Variants in CRTC3 observed in about 807,000 individuals in gnomAD.
CRTC3 encodes CREB-regulated transcription coactivator 3.
CRTC3 carries 26 observed loss-of-function variants against 74.5 expected under a neutral mutation model. The ratio of observed to expected loss-of-function variants is 0.35; its 90% confidence interval spans 0.26 to 0.48. CRTC3 has a LOEUF of 0.48. CRTC3 is among the 20% of genes least tolerant of loss of function. The probability of loss-of-function intolerance (pLI) is 0.99; values close to 1 mark genes in which losing one functional copy is unlikely to be tolerated. For missense variants in CRTC3, 760 were observed against 787.3 expected, an observed-to-expected ratio of 0.97 and a Z score of 0.41; for synonymous variants, 377 against 325.8, an observed-to-expected ratio of 1.16 and a Z score of -1.69.
chr15:90,547,457 A>T (rs1966846267), intron 2 of CRTC3, among the ~76,000 whole-genome samples: 1 of 152,226 alleles, frequency 6.6e-6, no homozygotes, highest in Non-Finnish European at 1.5e-5. Context: ...TAATATACTA[A>T]AGACCAATTT....
Position 90,618,039 on chromosome 15 carries a change from G to T in CRTC3, c.699+71G>T, listed in dbSNP as rs1461869391. On this transcript the variant is annotated intron_variant, in intron 8 of 14. Transcript: ENST00000268184. ...TACTTAGAGGTCATTGAAAAATCCT[G>T]CAGAGGTGAAAGCAAGAGGAACTGG... 9.8e-6 allele frequency: 10 copies of T among 1,017,108 alleles called. No individual in the cohort carries two copies. The Admixed American group carries it at 1.8e-4, about 18-fold the overall frequency. 63.0% of individuals were successfully genotyped at this position (1,017,108 alleles called of 1,614,324 possible).
intron 3 of CRTC3, among the ~76,000 whole-genome samples, 185 bp from the exon 4 acceptor site, chr15:90,602,139 C>T (rs1192247755): frequency 1.3e-5 from 2 of 151,978 alleles, no homozygotes; most frequent in East Asian, 1.9e-4. Flanking sequence ...AAGAAAACAC[C>T]GGTTAGAAGA....
At position 90,529,959 on chromosome 15, in the gene CRTC3, G is replaced by T. The variant is rs572504405; in HGVS notation, c.-113G>T. On this transcript the variant is annotated 5_prime_UTR_variant, in exon 1 of 15. Transcript: ENST00000268184. ...CGCGGCGGCTCCTCTGCCGGGTCGC[G>T]CCGGACGACTGGCTTCGGGCGGCGG... 568 of 856,264 alleles carry T rather than the reference G, an allele frequency of 6.6e-4. 5 individuals carry two copies. Among genetic ancestry groups the T allele is most frequent in the Middle Eastern group, 5.1e-3 (10 of 1,942 alleles). The allele number at this position is 856,264 out of a possible 1,614,324, so 53.0% of individuals were successfully genotyped here.
At chr15:90,557,125 C>G (rs559853652) in intron 2 of CRTC3, among the ~76,000 whole-genome samples, 1 of 152,096 alleles carries the variant, frequency 6.6e-6, no homozygotes, top group East Asian at 1.9e-4. Flanking sequence ...TATACTCTAG[C>G]TAGGGAAGAA....
At chr15:90,626,447 T>G (rs1260663578) in intron 10 of CRTC3, among the ~76,000 whole-genome samples, 1 of 152,316 alleles carries the variant, frequency 6.6e-6, no homozygotes, top group South Asian at 2.1e-4. Context: ...ATACTTAATA[T>G]CTGTGTGTGA....
At chr15:90,535,266 A>G (rs531545662) in intron 1 of CRTC3, among the ~76,000 whole-genome samples, 3 of 152,292 alleles carry the variant, frequency 2.0e-5, no homozygotes, top group South Asian at 2.1e-4. Flanking sequence ...GAGCTGGCCA[A>G]GAAGGCTTGA....
chr15:90,538,469 G>A (rs532212207), intron 1 of CRTC3, among the ~76,000 whole-genome samples: 8 of 152,118 alleles, frequency 5.3e-5, no homozygotes, highest in South Asian at 2.1e-4. Context: ...GAAGGATTTC[G>A]TATGCCTTTA....
At chr15:90,545,770 G>A (rs961932786) in intron 2 of CRTC3, among the ~76,000 whole-genome samples, 2 of 152,056 alleles carry the variant, frequency 1.3e-5, no homozygotes, top group Non-Finnish European at 2.9e-5. Flanking sequence ...AGTAGAGACG[G>A]GGTTTCACTG....
At chr15:90,558,386 C>T (rs1375813579) in intron 2 of CRTC3, among the ~76,000 whole-genome samples, 2 of 152,108 alleles carry the variant, frequency 1.3e-5, no homozygotes, top group Admixed American at 6.5e-5. Flanking sequence ...CCTCCAGCGG[C>T]TTCCCGTTTC....
chr15:90,637,610 C>T (rs1969288533), intron 11 of CRTC3, among the ~76,000 whole-genome samples: 1 of 152,162 alleles, frequency 6.6e-6, no homozygotes, highest in African/African-American at 2.4e-5. Flanking sequence ...AAGTGCCTCA[C>T]CTTCTAATAT....
intron 2 of CRTC3, among the ~76,000 whole-genome samples, chr15:90,577,058 T>TG (rs1567171551): frequency 6.9e-6 from 1 of 144,866 alleles, no homozygotes; most frequent in Non-Finnish European, 1.5e-5. Context: ...TGTTTTGTTT[T>TG]TTTGAGATAG....
chr15:90,559,244 A>G (rs542560103), intron 2 of CRTC3, among the ~76,000 whole-genome samples: 57 of 152,262 alleles, frequency 3.7e-4, no homozygotes, highest in African/African-American at 1.3e-3. Context: ...AGAATTTTGT[A>G]TGTATTATCT....
intron 2 of CRTC3, among the ~76,000 whole-genome samples, chr15:90,547,172 T>C (rs1966845782): frequency 1.3e-5 from 2 of 152,240 alleles, no homozygotes; most frequent in South Asian, 4.1e-4. Context: ...CATAAATGTA[T>C]ACCTTGTGGA....
intron 2 of CRTC3, among the ~76,000 whole-genome samples, chr15:90,585,335 A>G (rs1418213867): frequency 6.6e-6 from 1 of 152,074 alleles, no homozygotes; most frequent in Non-Finnish European, 1.5e-5. Context: ...AGCAGAGACA[A>G]GGTCTGGCTA....
chr15:90,616,500 T>A (rs997240029), intron 7 of CRTC3, among the ~76,000 whole-genome samples: 3 of 152,222 alleles, frequency 2.0e-5, no homozygotes, highest in African/African-American at 7.2e-5. Context: ...GGTCCATTAT[T>A]CTTGGGTACC....
chr15:90,595,536 G>A (rs924839146), intron 3 of CRTC3: 5 of 150,778 alleles, frequency 3.3e-5, no homozygotes, highest in African/African-American at 1.2e-4. Flanking sequence ...ACTCCAGCCT[G>A]GGCAACAGAG....
intron 2 of CRTC3, among the ~76,000 whole-genome samples, chr15:90,559,106 C>G (rs1297388202): frequency 6.6e-6 from 1 of 152,112 alleles, no homozygotes; most frequent in Non-Finnish European, 1.5e-5. Flanking sequence ...TCCAAGCCCC[C>G]TGGGAGCAAG....
rs1449061900 is a variant in CRTC3 at position 90,629,257 on chromosome 15, C to G, written c.991C>G (p.Pro331Ala). ...SSGLQSSRSN[P>A]SIQATLNKTV... ...AGGTCTCCAGAGTTCTCGGAGTAAC[C>G]CCTCCATCCAAGCCACGCTCAATAA... Residue 331 changes from proline (P) to alanine (A), a missense_variant, in exon 11 of 15, where the codon CCC becomes GCC. Pro to Ala is a conservative substitution (Grantham distance 27, BLOSUM62 -1). Around this residue, in one of 2 missense-constraint regions of CRTC3, gnomAD observed 652 missense variants for 635.2 expected, o/e 1.03. Coordinates refer to ENST00000268184, the MANE Select transcript of CRTC3 (RefSeq NM_022769.5). 3 of 1,613,448 alleles carry G rather than the reference C, an allele frequency of 1.9e-6. No individual in the cohort carries two copies. Among genetic ancestry groups the G allele is most frequent in the Non-Finnish European group, 2.5e-6 (3 of 1,179,638 alleles).
rs192708885 is a variant in CRTC3 at position 90,615,705 on chromosome 15, G to T, written c.613+1217G>T. Among the ~76,000 whole-genome samples the T allele has an allele frequency of 2.0e-5, 3 of 152,278 alleles. No individual in the cohort carries two copies. The East Asian group carries it at 5.8e-4, about 29-fold the overall frequency. On this transcript the variant is annotated intron_variant, in intron 7 of 14. Coordinates refer to ENST00000268184, the MANE Select transcript of CRTC3 (RefSeq NM_022769.5). ...CTCTAAGAAAACAGTCCCCATTAAGGCACTGGAGTCTGCCCCAACCATGTT... is the reference window on the plus strand; with the variant it reads ...CTCTAAGAAAACAGTCCCCATTAAGTCACTGGAGTCTGCCCCAACCATGTT...
Sources: gnomAD v4.1 joint callset for allele counts (sites outside exome capture counted in the v4.1 genomes callset) on GRCh38, gnomAD v4.1.1 for gene constraint, gnomAD v4.1.1 regional missense constraint, MANE v1.5 for transcripts, NCBI Gene and HGNC (gene_info 2026-07-23, HGNC 2026-07-21) for gene names.